DYNC2I2: variants seen among roughly 807,000 people sequenced by gnomAD.
The protein encoded by DYNC2I2 is dynein 2 intermediate chain 2, also known as cytoplasmic dynein 2 intermediate chain 2.
A neutral mutation model predicts 52.0 loss-of-function variants in DYNC2I2; 39 were observed. The ratio of observed to expected loss-of-function variants is 0.75; its 90% CI spans 0.58 to 0.98. The LOEUF (loss-of-function observed/expected upper bound fraction) is 0.98. Among genes scored for constraint, DYNC2I2 ranks in the 50% least tolerant of loss-of-function variants. The pLI is 0.00. For synonymous variants in DYNC2I2, 359 were observed against 321.1 expected (o/e 1.12, Z -1.26); for missense variants, 743 against 728.4 (o/e 1.02, Z -0.23).
At chr9:128,682,565 T>TACTC in the DYNC2I2 span, among the ~76,000 whole-genome samples, 1 of 151,706 alleles carries the variant, frequency 6.6e-6, no homozygotes, top group Non-Finnish European at 1.5e-5. Context: ...TAGTCCCAGC[T>TACTC]ACTCAGGAGG....
At chr9:128,663,388 C>G in the DYNC2I2 span, 1 of 151,976 alleles carries the variant, frequency 6.6e-6, no homozygotes, top group East Asian at 1.9e-4. Flanking sequence ...GATTGTCTGA[C>G]CTAGTGCAGG....
In DYNC2I2 at chr9:128,633,695, AAC is replaced by A. The variant is rs776725656; in HGVS notation, c.*47_*48del. The A allele has an allele frequency of 5.1e-6, 8 of 1,561,586 alleles. No individual in the cohort carries two copies. The highest frequency in any genetic ancestry group is 6.1e-6 in the Non-Finnish European group (7 of 1,150,060). On this transcript the variant is annotated 3_prime_UTR_variant, in exon 9 of 9. Transcript: ENST00000372715. ...TTTTCTTCATTTGGCTTGCGTCAGA[AAC>A]ACAAGGCTCGGCACAGCGAAGGCTT...
At chr9:128,677,651 A>G in the DYNC2I2 span, among the ~76,000 whole-genome samples, 3 of 151,456 alleles carry the variant, frequency 2.0e-5, no homozygotes, top group Admixed American at 1.3e-4. Context: ...AAAAAAAAAT[A>G]CAAAAATTAG....
At chr9:128,644,568 C>A (rs1422915853) in intron 1 of DYNC2I2, among the ~76,000 whole-genome samples, 1 of 152,238 alleles carries the variant, frequency 6.6e-6, no homozygotes, top group East Asian at 1.9e-4. Context: ...CGTGAGCCAC[C>A]GCACCTGTCC....
chr9:128,682,454 T>C, the DYNC2I2 span, among the ~76,000 whole-genome samples: 1 of 152,008 alleles, frequency 6.6e-6, no homozygotes, highest in Non-Finnish European at 1.5e-5. Flanking sequence ...AGGTGGGCAG[T>C]TGGCTTGGGA....
At chr9:128,666,369 G>A in the DYNC2I2 span, among the ~76,000 whole-genome samples, 14 of 139,974 alleles carry the variant, frequency 1.0e-4, no homozygotes, top group East Asian at 2.8e-3. Flanking sequence ...GTGACAGAGT[G>A]AGACCCTGTC....
rs1308021558 is a variant in DYNC2I2, at chr9:128,635,847, C to G, written c.704-80G>C. 2.9e-6 allele frequency: 4 copies of G among 1,369,958 alleles called. No individual in the cohort carries two copies. The East Asian group carries it at 1.0e-4, about 34-fold the overall frequency. 84.9% of individuals were successfully genotyped at this position (1,369,958 alleles called of 1,614,324 possible). A position where few individuals can be genotyped will look rare whatever the true frequency, so the allele number is the denominator to read the frequency against. The stretch of plus-strand genomic sequence containing the variant: ...CTGGCCAAACACCCGCCCCAGCCCA[C>G]CTACAGGGCCAGGGCCAGGGCCAGG... On this transcript the variant is annotated intron_variant, in intron 4 of 8. Coordinates refer to ENST00000372715, the MANE Select transcript of DYNC2I2 (RefSeq NM_052844.4).
chr9:128,638,066 G>A (rs1013043129), intron 2 of DYNC2I2, among the ~76,000 whole-genome samples: 8 of 151,624 alleles, frequency 5.3e-5, no homozygotes, highest in African/African-American at 1.9e-4. Context: ...GTGAAACCCC[G>A]TCTCTACCAA....
chr9:128,645,004 GTC>G (rs538009827), intron 1 of DYNC2I2, among the ~76,000 whole-genome samples: 4 of 151,702 alleles, frequency 2.6e-5, no homozygotes, highest in Admixed American at 2.0e-4. Context: ...GCTGTTGCCT[GTC>G]TCTCTCTCTC....
rs780121727 is a variant in DYNC2I2, at chr9:128,640,699, G to C, written c.427C>G (p.Gln143Glu). ...DGFEVNWTEQ[Q>E]QMVSCLYTLG... ...ACCAGCCCATCCCCTACCATCTGCT[G>C]CTGCTCGGTCCAGTTCACCTCGAAG... is the stretch of plus-strand genomic sequence containing the variant. Residue 143 changes from glutamine (Q) to glutamate (E), a missense_variant, in exon 2 of 9, where the codon CAG becomes GAG. Physicochemically the swap from Gln to Glu is conservative, Grantham distance 29. Coordinates refer to ENST00000372715, the MANE Select transcript of DYNC2I2 (RefSeq NM_052844.4). The C allele has an allele frequency of 6.2e-7, 1 of 1,613,842 alleles. No homozygotes were observed. The highest frequency in any genetic ancestry group is 8.5e-7 in the Non-Finnish European group (1 of 1,179,840).
the DYNC2I2 span, among the ~76,000 whole-genome samples, chr9:128,667,945 A>C: frequency 5.6e-4 from 65 of 116,522 alleles, 2 homozygotes; most frequent in South Asian, 0.012. Context: ...GTTGGCCAGG[A>C]TGGTCTCGAT....
At chr9:128,634,455 G>A (rs891531349) in intron 7 of DYNC2I2, 72 bp from the exon 8 acceptor site, 32 of 1,506,840 alleles carry the variant, frequency 2.1e-5, no homozygotes, top group Non-Finnish European at 1.8e-6. Context: ...CCCAACACCA[G>A]ACCCCTCCTG....
chr9:128,672,690 G>T, the DYNC2I2 span, among the ~76,000 whole-genome samples: 5 of 151,974 alleles, frequency 3.3e-5, no homozygotes, highest in Non-Finnish European at 5.9e-5. Flanking sequence ...AATATACACA[G>T]ACACTACAGA....
rs2132174961 is a variant in DYNC2I2, at chr9:128,649,809, AT to A, written c.186+6731del. The stretch of plus-strand genomic sequence containing the variant: ...GGAGTTCAAGACCAGCCTAACCAAC[AT>A]GGTGAAACCCCATCTCTACTAAAAA... On this transcript the variant is annotated intron_variant, in intron 1 of 8. Coordinates refer to ENST00000372715, the MANE Select transcript of DYNC2I2 (RefSeq NM_052844.4). Among the ~76,000 whole-genome samples, 2 of 35,982 alleles carry A rather than the reference AT, an allele frequency of 5.6e-5. 1 individual carries two copies. The highest frequency in any genetic ancestry group is 7.8e-4 in the Admixed American group (2 of 2,570). The allele number at this position is 35,982 out of a possible 152,430, so 23.6% of individuals were successfully genotyped here.
upstream of DYNC2I2, chr9:128,656,860 T>C (rs1041560032): frequency 5.6e-6 from 5 of 899,380 alleles, no homozygotes; most frequent in East Asian, 1.3e-4. Context: ...CTGCAAGACC[T>C]GGAAGAAAGA....
intron 4 of DYNC2I2, 28 bp downstream of exon 4, chr9:128,636,253 G>A (rs1256907078): frequency 6.4e-6 from 10 of 1,554,140 alleles, no homozygotes; most frequent in Non-Finnish European, 7.0e-6. Flanking sequence ...CCTGAGAGGA[G>A]AGGAGGCGGA....
At chr9:128,636,581 A>G (rs2132147124) in intron 3 of DYNC2I2, 143 bp from the exon 4 acceptor site, 1 of 997,250 alleles carries the variant, frequency 1.0e-6, no homozygotes, top group Non-Finnish European at 1.5e-6. Flanking sequence ...AGTGGCCCAC[A>G]CTCCACTCTA....
upstream of DYNC2I2, among the ~76,000 whole-genome samples, chr9:128,657,236 C>T (rs919269218): frequency 6.6e-6 from 1 of 152,140 alleles, no homozygotes; most frequent in African/African-American, 2.4e-5. Flanking sequence ...AATATTCCTA[C>T]GGAGATCCTA....
the DYNC2I2 span, among the ~76,000 whole-genome samples, chr9:128,676,061 G>A: frequency 5.3e-5 from 8 of 152,284 alleles, no homozygotes; most frequent in Admixed American, 5.2e-4. Context: ...TAGCTACTCA[G>A]GAGGCTGAGG....
Sources: gnomAD v4.1 joint callset for allele counts (sites outside exome capture counted in the v4.1 genomes callset) on GRCh38, gnomAD v4.1.1 for gene constraint, MANE v1.5 for transcripts, NCBI Gene and HGNC (gene_info 2026-07-23, HGNC 2026-07-21) for gene names.